The following OGG1 variants were observed in gnomAD, a reference collection of about 807,000 sequenced individuals.
OGG1 encodes 8-oxoguanine DNA glycosylase.
In OGG1, 35 loss-of-function variants were observed where a neutral mutation model predicts 42.3. The ratio of observed to expected loss-of-function variants is 0.83; its 90% CI spans 0.63 to 1.10. The LOEUF (loss-of-function observed/expected upper bound fraction) is 1.10. Ranked by LOEUF, OGG1 falls within the 50% of genes least tolerant of loss-of-function variation. The pLI, the probability that OGG1 is intolerant of heterozygous loss-of-function variation, is 0.00. For missense variants in OGG1, 484 were observed against 446.7 expected (o/e 1.08, Z -0.75); for synonymous variants, 189 against 179.0 (o/e 1.06, Z -0.44).
chr3:9,778,524 A>C (rs959314859), intron 2 of OGG1, among the ~76,000 whole-genome samples: 5 of 152,256 alleles, frequency 3.3e-5, no homozygotes, highest in African/African-American at 1.2e-4. Flanking sequence ...CTTCAAGAAT[A>C]GCTGGATGCA....
At position 9,785,455 on chromosome 3, in the gene OGG1, A is replaced by G. The variant is rs191487285; in HGVS notation, c.383-2273A>G. 28 of 1,476,300 alleles carry G rather than the reference A, an allele frequency of 1.9e-5. No homozygotes were observed. In the East Asian group the frequency reaches 6.4e-4, roughly 34 times the overall value. 91.5% of individuals were successfully genotyped at this position (1,476,300 alleles called of 1,614,324 possible). A position where few individuals can be genotyped will look rare whatever the true frequency, so the allele number is the denominator to read the frequency against. On this transcript the variant is annotated intron_variant, in intron 3 of 3. Coordinates refer to the OGG1 transcript ENST00000426518. ...AAGACCACAAAAATGAGTGGAAGGA[A>G]AAATAGCTGTTCCACTTTCCTGCTC...
downstream of OGG1, chr3:9,761,597 C>T (rs746247676): frequency 6.2e-7 from 1 of 1,613,756 alleles, no homozygotes; most frequent in Non-Finnish European, 8.5e-7. Flanking sequence ...TGGTTCCCCC[C>T]ACCATCACAG....
chr3:9,768,888 A>G (rs1291805985), downstream of OGG1, among the ~76,000 whole-genome samples: 1 of 152,124 alleles, frequency 6.6e-6, no homozygotes, highest in African/African-American at 2.4e-5. Flanking sequence ...AGAATCTTCT[A>G]GGAAAGGAGA....
At chr3:9,775,155 A>G (rs1041412609) in intron 2 of OGG1, among the ~76,000 whole-genome samples, 1 of 151,870 alleles carries the variant, frequency 6.6e-6, no homozygotes, top group Non-Finnish European at 1.5e-5. Context: ...CAGGAGAATC[A>G]CTTGAACCTG....
chr3:9,772,346 A>G (rs1011198881), intron 2 of OGG1, among the ~76,000 whole-genome samples: 4 of 152,196 alleles, frequency 2.6e-5, no homozygotes, highest in Non-Finnish European at 5.9e-5. Context: ...GCCAACCTAA[A>G]CCAGCTTCAT....
downstream of OGG1, among the ~76,000 whole-genome samples, chr3:9,769,041 C>G (rs1349277347): frequency 2.0e-5 from 3 of 152,054 alleles, no homozygotes; most frequent in South Asian, 6.2e-4. Flanking sequence ...ACCTGCCTCC[C>G]AGATCCAGTA....
At chr3:9,765,922 A>C (rs753598242) in exon 8 of OGG1, 2 of 1,614,006 alleles carry the variant, frequency 1.2e-6, no homozygotes, top group Non-Finnish European at 1.7e-6. Flanking sequence ...AAGGTGAAGA[A>C]CTGGAACCCC....
At chr3:9,780,562 G>C (rs996158803) in intron 2 of OGG1, 3 of 1,595,870 alleles carry the variant, frequency 1.9e-6, no homozygotes, top group Admixed American at 1.7e-5. Flanking sequence ...GTGGGGACCA[G>C]CCAGCCAGGT....
rs765856255 is a variant in OGG1, at chr3:9,757,078, C to T, written c.966C>T (p.Asp322=). The part of the protein sequence containing the change: ...GWAQAVLFSA[D]LRQSRHAQEP... Reference sequence around the variant, plus strand: ...TCCTACAGGTGCTGTTCAGTGCCGACCTGCGCCAATCCCGCCATGCTCAGG... The same window carrying T: ...TCCTACAGGTGCTGTTCAGTGCCGATCTGCGCCAATCCCGCCATGCTCAGG... The change falls in exon 7 of 7, where the codon GAC becomes GAT. Residue 322 remains aspartate (D), a synonymous_variant. Transcript: ENST00000344629. The surrounding 1 kb of genome is among the most constrained non-coding windows in gnomAD (Gnocchi z 4.5). 3.7e-6 allele frequency: 6 copies of T among 1,614,134 alleles called. No homozygotes were observed. The East Asian group carries it at 1.3e-4, about 36-fold the overall frequency.
intron 2 of OGG1, 59 bp downstream of exon 2, chr3:9,751,251 C>T: frequency 1.3e-6 from 2 of 1,575,486 alleles, no homozygotes; most frequent in Non-Finnish European, 8.7e-7. Flanking sequence ...TTCTCTATGA[C>T]TCAGTTTTGC....
At chr3:9,780,048 G>A (rs1575288830) in intron 2 of OGG1, 1 of 277,786 alleles carries the variant, frequency 3.6e-6, no homozygotes, top group East Asian at 6.5e-5. Context: ...TTGAAGGGGA[G>A]ACAGGGGTAG....
In OGG1 at chr3:9,750,934, C is replaced by G. The variant is rs2077271799; in HGVS notation, c.138-11C>G. 1 of 1,613,698 alleles carries G rather than the reference C, an allele frequency of 6.2e-7. No individual in the cohort carries two copies. The highest frequency in any genetic ancestry group is 1.1e-5 in the South Asian group (1 of 91,034). ...ATTGAGTGCCAGGGTTGTCATGTGC[C>G]TTGGGCTCAGGTGGAGGGAGCAAAG... is the stretch of plus-strand genomic sequence containing the variant. On this transcript the variant is annotated splice_polypyrimidine_tract_variant and intron_variant, in intron 1 of 6. Transcript: ENST00000344629.
Position 9,750,388 on chromosome 3 carries a change from C to T in OGG1, c.102C>T (p.Arg34=). 1 of 1,614,092 alleles carries T rather than the reference C, an allele frequency of 6.2e-7. No individual in the cohort carries two copies. Among genetic ancestry groups the T allele is most frequent in the Non-Finnish European group, 8.5e-7 (1 of 1,180,040 alleles). Reference sequence around the variant, plus strand: ...TCCCGTGCCCTCGCTCTGAGCTGCGCCTGGACCTGGTTCTGCCTTCTGGAC... The same window carrying T: ...TCCCGTGCCCTCGCTCTGAGCTGCGTCTGGACCTGGTTCTGCCTTCTGGAC... ...ASIPCPRSEL[R]LDLVLPSGQS... is the part of the protein sequence containing the mutation. Residue 34 remains arginine, a synonymous_variant, in exon 1 of 7, where the codon CGC becomes CGT. Coordinates refer to ENST00000344629, the MANE Select transcript of OGG1 (RefSeq NM_002542.6).
downstream of OGG1, chr3:9,761,647 T>C: frequency 6.2e-7 from 1 of 1,614,082 alleles, no homozygotes; most frequent in Non-Finnish European, 8.5e-7. Context: ...ATCCCGGAGT[T>C]CCACAGGCGG....
chr3:9,763,302 A>C, intron 7 of OGG1: 1 of 1,525,668 alleles, frequency 6.6e-7, no homozygotes, highest in Non-Finnish European at 8.9e-7. Flanking sequence ...CTGAGGCAGG[A>C]GGATCACTTG....
intron 3 of OGG1, among the ~76,000 whole-genome samples, chr3:9,782,115 G>C (rs1238194340): frequency 1.3e-5 from 2 of 152,124 alleles, no homozygotes; most frequent in African/African-American, 4.8e-5. Context: ...TGGGATTACA[G>C]GCATGAGCCA....
At chr3:9,750,762 G>T in intron 1 of OGG1, 183 bp from the exon 2 acceptor site, 3 of 803,976 alleles carry the variant, frequency 3.7e-6, no homozygotes, top group Non-Finnish European at 6.1e-6. Flanking sequence ...ACAGGTGTGC[G>T]CCATGCCCGG....
rs544635245 is a variant in OGG1 at position 9,757,084 on chromosome 3, C to T, written c.972C>T (p.Arg324=). The change falls in exon 7 of 7, where the codon CGC becomes CGT. Residue 324 remains arginine, a synonymous_variant. Transcript: ENST00000344629. The surrounding 1 kb of genome is among the most constrained non-coding windows in gnomAD (Gnocchi z 4.5). ...AQAVLFSADL[R]QSRHAQEPPA... is the part of the protein sequence containing the mutation. ...AGGTGCTGTTCAGTGCCGACCTGCG[C>T]CAATCCCGCCATGCTCAGGAGCCAC... 2 of 1,614,128 alleles carry T rather than the reference C, an allele frequency of 1.2e-6. No homozygotes were observed. The highest frequency in any genetic ancestry group is 1.7e-5 in the Admixed American group (1 of 60,020).
chr3:9,783,296 A>G (rs2125618773), intron 3 of OGG1: 1 of 152,294 alleles, frequency 6.6e-6, no homozygotes, highest in Non-Finnish European at 1.5e-5. Context: ...TGTACACTTA[A>G]AAATGGTTAA....
Sources: gnomAD v4.1 joint callset for allele counts (sites outside exome capture counted in the v4.1 genomes callset) on GRCh38, gnomAD v4.1.1 for gene constraint, Gnocchi (gnomAD v3.1) non-coding constraint, MANE v1.5 for transcripts, NCBI Gene and HGNC (gene_info 2026-07-23, HGNC 2026-07-21) for gene names.